The following FCHSD2 variants were observed in gnomAD, a reference collection of about 807,000 sequenced individuals.
FCHSD2 encodes the protein F-BAR and double SH3 domains protein 2.
In FCHSD2, 38 loss-of-function variants were observed where a neutral mutation model predicts 108.1. That is an observed-to-expected ratio of 0.35 (90% confidence interval 0.27 to 0.46). The LOEUF is 0.46. Among genes scored for constraint, FCHSD2 ranks in the 20% least tolerant of loss-of-function variants. The probability of loss-of-function intolerance (pLI) is 1.00; values close to 1 mark genes in which losing one functional copy is unlikely to be tolerated. For missense variants in FCHSD2, 751 were observed against 897.8 expected (o/e 0.84, Z 2.09); for synonymous variants, 279 against 314.7 (o/e 0.89, Z 1.20).
intron 5 of FCHSD2, among the ~76,000 whole-genome samples, chr11:72,999,143 C>T (rs564994910): frequency 1.3e-5 from 2 of 152,244 alleles, no homozygotes; most frequent in Non-Finnish European, 2.9e-5. Flanking sequence ...CCCTTCTTGG[C>T]TTAAAGCAGT....
intron 8 of FCHSD2, among the ~76,000 whole-genome samples, chr11:72,926,925 A>G (rs1286224160): frequency 6.6e-6 from 1 of 152,212 alleles, no homozygotes; most frequent in Admixed American, 6.5e-5. Context: ...TAAAAGAGTG[A>G]AAAAAATGGC....
At chr11:72,914,720 T>C (rs1021494683) in intron 9 of FCHSD2, among the ~76,000 whole-genome samples, 5 of 152,150 alleles carry the variant, frequency 3.3e-5, no homozygotes, top group African/African-American at 1.2e-4. Flanking sequence ...TTACACCATA[T>C]ACAAAAGTCA....
rs1178239381 is a variant in FCHSD2 at position 72,836,865 on chromosome 11, G to A, written c.*1926C>T. The stretch of plus-strand genomic sequence containing the variant: ...TCCGAGCCCTGACCTGTGCACTGTG[G>A]TGCTGGATTCCATATCCTGGATGGA... On this transcript the variant is annotated 3_prime_UTR_variant, in exon 20 of 20. Transcript: ENST00000409418. The A allele has an allele frequency of 1.3e-5, 2 of 152,490 alleles. No individual in the cohort carries two copies. The allele number at this position is 152,490 out of a possible 1,614,324, so 9.4% of individuals were successfully genotyped here.
intron 13 of FCHSD2, among the ~76,000 whole-genome samples, chr11:72,850,617 T>C (rs1381175118): frequency 1.3e-5 from 2 of 151,924 alleles, no homozygotes; most frequent in African/African-American, 4.8e-5. Context: ...CCTCCCAAAG[T>C]GCTGGGATTA....
At chr11:72,862,044 C>T (rs1280316636) in intron 13 of FCHSD2, among the ~76,000 whole-genome samples, 1 of 151,778 alleles carries the variant, frequency 6.6e-6, no homozygotes, top group Admixed American at 6.6e-5. Flanking sequence ...TATTAGCAGA[C>T]TAAAAAAGAA....
At position 72,879,931 on chromosome 11, in the gene FCHSD2, G is replaced by A. The variant is rs1351160232; in HGVS notation, c.1146+7539C>T. Among the ~76,000 whole-genome samples the A allele has an allele frequency of 2.2e-4, 33 of 150,010 alleles. 1 individual carries two copies. The highest frequency in any genetic ancestry group is 7.6e-4 in the African/African-American group (31 of 40,714). ...GAACAATCGGTTGAACCCAGGAGGC[G>A]GAGCTTGACGTGAGCCGAGATCGCG... On this transcript the variant is annotated intron_variant, in intron 12 of 19. Coordinates refer to ENST00000409418, the MANE Select transcript of FCHSD2 (RefSeq NM_014824.3).
intron 13 of FCHSD2, among the ~76,000 whole-genome samples, chr11:72,851,003 G>C (rs1861272743): frequency 6.9e-6 from 1 of 145,978 alleles, no homozygotes; most frequent in South Asian, 2.1e-4. Flanking sequence ...GAAGGCTGAG[G>C]CAAGAGAATT....
At chr11:72,862,977 C>T (rs933377998) in intron 13 of FCHSD2, among the ~76,000 whole-genome samples, 1 of 152,024 alleles carries the variant, frequency 6.6e-6, no homozygotes, top group Admixed American at 6.6e-5. Flanking sequence ...GGTTGGAGTG[C>T]AGTAGCACAA....
In FCHSD2 at chr11:73,105,938, C is replaced by T. The variant is rs148681476; in HGVS notation, c.120-22198G>A. Among the ~76,000 whole-genome samples, 23 of 152,172 alleles carry T rather than the reference C, an allele frequency of 1.5e-4. No homozygotes were observed. In the East Asian group the frequency reaches 3.3e-3, roughly 22 times the overall value. ...GTAAATAAGATACCTATAGAAGATA[C>T]CTGGCAGAAGCAAGGCCTCTATCTT... On this transcript the variant is annotated intron_variant, in intron 2 of 19. Coordinates refer to ENST00000409418, the MANE Select transcript of FCHSD2 (RefSeq NM_014824.3).
chr11:73,136,968 C>T (rs1591585161), intron 2 of FCHSD2, among the ~76,000 whole-genome samples: 1 of 152,118 alleles, frequency 6.6e-6, no homozygotes, highest in Non-Finnish European at 1.5e-5. Flanking sequence ...GCGGAGGTTG[C>T]AGTAAGCTGA....
At chr11:72,946,982 C>T (rs535918457) in intron 8 of FCHSD2, among the ~76,000 whole-genome samples, 3 of 152,228 alleles carry the variant, frequency 2.0e-5, no homozygotes, top group Non-Finnish European at 4.4e-5. Flanking sequence ...TGCAATAGCT[C>T]ACCCAGCTAC....
chr11:72,855,565 A>G (rs1228372003), intron 13 of FCHSD2, among the ~76,000 whole-genome samples: 1 of 152,240 alleles, frequency 6.6e-6, no homozygotes, highest in Non-Finnish European at 1.5e-5. Context: ...TTACACTTAA[A>G]GTGGTAAATT....
chr11:72,911,868 C>A (rs1855770900), intron 9 of FCHSD2, among the ~76,000 whole-genome samples: 1 of 152,180 alleles, frequency 6.6e-6, no homozygotes, highest in Admixed American at 6.6e-5. Flanking sequence ...AGAGACCTTT[C>A]ACTTCTTTGG....
intron 8 of FCHSD2, among the ~76,000 whole-genome samples, chr11:72,950,653 T>C (rs1317190884): frequency 6.6e-6 from 1 of 152,230 alleles, no homozygotes; most frequent in Non-Finnish European, 1.5e-5. Flanking sequence ...ATTAGTAGTC[T>C]TTTGTATTTC....
In FCHSD2 at chr11:72,941,030, G is replaced by T. The variant is rs114495105; in HGVS notation, c.706-19080C>A. ...AAGAGCCATGGGCTTGGAAAGGACC[G>T]TATGTTCCACCATGCTATTGGTGGT... On this transcript the variant is annotated intron_variant, in intron 8 of 19. Coordinates refer to ENST00000409418, the MANE Select transcript of FCHSD2 (RefSeq NM_014824.3). The T allele has an allele frequency of 2.5e-3, 1,829 of 719,022 alleles. 33 individuals are homozygous for T. In the African/African-American group the frequency reaches 0.029, roughly 11 times the overall value. 44.5% of individuals were successfully genotyped at this position (719,022 alleles called of 1,614,324 possible). A position where few individuals can be genotyped will look rare whatever the true frequency, so the allele number is the denominator to read the frequency against.
chr11:73,022,008 CA>C (rs1206581244), intron 3 of FCHSD2, among the ~76,000 whole-genome samples: 2 of 152,018 alleles, frequency 1.3e-5, no homozygotes, highest in African/African-American at 2.4e-5. Flanking sequence ...ATGGGAGGAT[CA>C]CTTGAGCCCA....
chr11:73,032,518 G>T (rs531445690), intron 3 of FCHSD2, among the ~76,000 whole-genome samples: 2 of 152,002 alleles, frequency 1.3e-5, no homozygotes, highest in Non-Finnish European at 2.9e-5. Flanking sequence ...GAGCCACCAT[G>T]CTTGGCCTAT....
Position 73,001,148 on chromosome 11 carries a change from G to GTA in FCHSD2, c.243-15_243-14insTA. The GTA allele has an allele frequency of 6.2e-7, 1 of 1,611,084 alleles. No homozygotes were observed. The highest frequency in any genetic ancestry group is 8.5e-7 in the Non-Finnish European group (1 of 1,178,678). On this transcript the variant is annotated splice_polypyrimidine_tract_variant and intron_variant, in intron 4 of 19. Coordinates refer to ENST00000409418, the MANE Select transcript of FCHSD2 (RefSeq NM_014824.3). ...GGATACATGCTCCTAAATTCAAAGAGGGATAGAAAAGCATTAGGCAGGGAA... is the reference window on the plus strand; with the variant it reads ...GGATACATGCTCCTAAATTCAAAGAGTAGGATAGAAAAGCATTAGGCAGGGAA...
intron 3 of FCHSD2, among the ~76,000 whole-genome samples, chr11:73,060,099 G>C (rs969420773): frequency 1.3e-5 from 2 of 152,152 alleles, no homozygotes; most frequent in African/African-American, 2.4e-5. Flanking sequence ...ACCTCTAGAA[G>C]CCTAGCCTTA....
Sources: gnomAD v4.1 joint callset for allele counts (sites outside exome capture counted in the v4.1 genomes callset) on GRCh38, gnomAD v4.1.1 for gene constraint, MANE v1.5 for transcripts, NCBI Gene and HGNC (gene_info 2026-07-23, HGNC 2026-07-21) for gene names.